The following CSGALNACT2 variants were observed in gnomAD, a reference collection of about 807,000 sequenced individuals.
CSGALNACT2 encodes the protein beta 4 GalNAcT-2.
Under a neutral mutation model 55.3 loss-of-function variants are expected in CSGALNACT2, and 35 were observed. The observed-to-expected ratio is 0.63, with a 90% CI of 0.48 to 0.84. The LOEUF is 0.84. CSGALNACT2 is among the 40% of genes least tolerant of loss of function. The pLI, the probability that CSGALNACT2 is intolerant of heterozygous loss-of-function variation, is 0.00. For synonymous variants in CSGALNACT2, 196 were observed against 224.9 expected (o/e 0.87, Z 1.15); for missense variants, 544 against 657.5 (o/e 0.83, Z 1.89).
intron 1 of CSGALNACT2, among the ~76,000 whole-genome samples, chr10:43,150,893 ATTC>A (rs1221639894): frequency 2.6e-5 from 4 of 152,024 alleles, no homozygotes; most frequent in African/African-American, 9.6e-5. Flanking sequence ...TATATTTTTG[ATTC>A]TTTTTTCTTT....
In CSGALNACT2 at chr10:43,162,036, C is replaced by T. The variant is rs528808719; in HGVS notation, c.980+1441C>T. Among the ~76,000 whole-genome samples, 13 of 152,272 alleles carry T rather than the reference C, an allele frequency of 8.5e-5. No individual in the cohort carries two copies. The South Asian group carries it at 2.5e-3, about 29-fold the overall frequency. ...AAATAGGAGCAGTATTGAAGAATCT[C>T]GGATACCTCCCAGAAATAAAGGGAT... On this transcript the variant is annotated intron_variant, in intron 4 of 7. Coordinates refer to ENST00000374466, the MANE Select transcript of CSGALNACT2 (RefSeq NM_018590.5).
At position 43,155,449 on chromosome 10, in the gene CSGALNACT2, G is replaced by A. The variant is rs374840357; in HGVS notation, c.300G>A (p.Arg100=). The change falls in exon 2 of 8, where the codon AGG becomes AGA. Residue 100 remains arginine, a synonymous_variant. Coordinates refer to ENST00000374466, the MANE Select transcript of CSGALNACT2 (RefSeq NM_018590.5). ...AGATGCGGTCACTGCAAGAAAGAAG[G>A]AATGTAGGGGCTAATGGCATAGGCT... is the stretch of plus-strand genomic sequence containing the variant. The part of the protein sequence containing the change: ...SEKMRSLQER[R]NVGANGIGYQ... 2.5e-5 allele frequency: 41 copies of A among 1,614,092 alleles called. No homozygotes were observed. The East Asian group carries it at 4.2e-4, about 17-fold the overall frequency.
chr10:43,146,700 T>C (rs1838756310), intron 1 of CSGALNACT2, among the ~76,000 whole-genome samples: 1 of 150,408 alleles, frequency 6.6e-6, no homozygotes, highest in Non-Finnish European at 1.5e-5. Flanking sequence ...GGCACTGCGC[T>C]ACAGCTCTGG....
intron 6 of CSGALNACT2, among the ~76,000 whole-genome samples, chr10:43,168,450 CAAAA>C (rs1372496686): frequency 1.3e-5 from 2 of 151,052 alleles, no homozygotes; most frequent in Non-Finnish European, 2.9e-5. Context: ...GACTCCATCT[CAAAA>C]AAACAAAACA....
chr10:43,146,932 C>A (rs1422970407), intron 1 of CSGALNACT2, among the ~76,000 whole-genome samples: 1 of 149,196 alleles, frequency 6.7e-6, no homozygotes, highest in Admixed American at 6.7e-5. Flanking sequence ...GTTTGATTTG[C>A]ATTTCCCTAA....
intron 6 of CSGALNACT2, among the ~76,000 whole-genome samples, 156 bp from the exon 7 acceptor site, chr10:43,175,795 G>A (rs189870537): frequency 6.6e-6 from 1 of 152,248 alleles, no homozygotes; most frequent in East Asian, 1.9e-4. Flanking sequence ...TATTTGTTTT[G>A]TAAGGATTTA....
intron 3 of CSGALNACT2, 109 bp downstream of exon 3, chr10:43,159,040 A>G: frequency 4.5e-6 from 3 of 668,158 alleles, no homozygotes; most frequent in Non-Finnish European, 7.7e-6. Context: ...GAATAATTTT[A>G]CAGGCTTTAG....
chr10:43,163,818 G>T (rs777226348), intron 4 of CSGALNACT2, 48 bp from the exon 5 acceptor site: 17 of 1,540,578 alleles, frequency 1.1e-5, no homozygotes, highest in African/African-American at 2.8e-5. Flanking sequence ...AAGAAAATTG[G>T]TAACTTTAAG....
At chr10:43,163,282 C>CT (rs774785934) in intron 4 of CSGALNACT2, 71 of 902,458 alleles carry the variant, frequency 7.9e-5, no homozygotes, top group Non-Finnish European at 8.7e-5. Flanking sequence ...AACTCCTACT[C>CT]TATCAGGGGA....
intron 4 of CSGALNACT2, chr10:43,162,484 G>A (rs765988092): frequency 6.1e-6 from 6 of 985,288 alleles, no homozygotes; most frequent in African/African-American, 1.7e-5. Flanking sequence ...TTGATGCTGA[G>A]TATGTGGGGT....
chr10:43,157,277 T>C (rs749549701), intron 2 of CSGALNACT2, among the ~76,000 whole-genome samples: 1 of 152,198 alleles, frequency 6.6e-6, no homozygotes, highest in Admixed American at 6.5e-5. Flanking sequence ...CTGTGCCAGT[T>C]TTATATTCTG....
At chr10:43,175,433 T>C (rs1235507851) in intron 6 of CSGALNACT2, among the ~76,000 whole-genome samples, 1 of 152,154 alleles carries the variant, frequency 6.6e-6, no homozygotes, top group East Asian at 1.9e-4. Flanking sequence ...TTTAAATACC[T>C]ATTAGTGAGC....
intron 7 of CSGALNACT2, among the ~76,000 whole-genome samples, chr10:43,181,323 C>T (rs1839584916): frequency 6.6e-6 from 1 of 152,180 alleles, no homozygotes; most frequent in Non-Finnish European, 1.5e-5. Flanking sequence ...TACCCTGTGA[C>T]CTCACTTCTC....
At chr10:43,170,449 G>A (rs1588909741) in intron 6 of CSGALNACT2, among the ~76,000 whole-genome samples, 2 of 152,292 alleles carry the variant, frequency 1.3e-5, no homozygotes, top group African/African-American at 4.8e-5. Context: ...AGGGGCACAG[G>A]AGCCAACAGA....
intron 6 of CSGALNACT2, among the ~76,000 whole-genome samples, chr10:43,172,970 G>T (rs1335045715): frequency 6.6e-6 from 1 of 152,220 alleles, no homozygotes; most frequent in Non-Finnish European, 1.5e-5. Context: ...AGCACAGCCG[G>T]TGAGGGGCAC....
intron 4 of CSGALNACT2, among the ~76,000 whole-genome samples, chr10:43,160,998 A>C: frequency 1.3e-5 from 2 of 148,184 alleles, no homozygotes; most frequent in Admixed American, 6.7e-5. Context: ...TCCTTAAGAA[A>C]CTCCCACTCA....
intron 7 of CSGALNACT2, among the ~76,000 whole-genome samples, chr10:43,176,961 G>C (rs1839492043): frequency 6.6e-6 from 1 of 152,100 alleles, no homozygotes; most frequent in Admixed American, 6.5e-5. Flanking sequence ...GATTCATTTA[G>C]GGCTAGCTAC....
At chr10:43,142,038 A>C (rs1838638811) in intron 1 of CSGALNACT2, among the ~76,000 whole-genome samples, 1 of 152,118 alleles carries the variant, frequency 6.6e-6, no homozygotes, top group Non-Finnish European at 1.5e-5. Flanking sequence ...ATGTTGTTTA[A>C]CCTTTTTATC....
At chr10:43,141,221 ATT>A (rs772008206) in intron 1 of CSGALNACT2, among the ~76,000 whole-genome samples, 1 of 145,194 alleles carries the variant, frequency 6.9e-6, no homozygotes. Flanking sequence ...TCTACAAATA[ATT>A]TTTTTTTTTT....
Sources: gnomAD v4.1 joint callset for allele counts (sites outside exome capture counted in the v4.1 genomes callset) on GRCh38, gnomAD v4.1.1 for gene constraint, MANE v1.5 for transcripts, NCBI Gene and HGNC (gene_info 2026-07-23, HGNC 2026-07-21) for gene names.